MRPS31: variants seen among roughly 807,000 people sequenced by gnomAD.
The protein encoded by MRPS31 is mitochondrial ribosomal protein S31, also known as small ribosomal subunit protein mS31.
Under a neutral mutation model 43.1 loss-of-function variants are expected in MRPS31, and 32 were observed. The ratio of observed to expected loss-of-function variants is 0.74; its 90% CI spans 0.56 to 1.00. The LOEUF (loss-of-function observed/expected upper bound fraction) is 1.00, where lower values mean the gene tolerates loss of function less well. MRPS31 is among the 50% of genes least tolerant of loss of function. The pLI, the probability that MRPS31 is intolerant of heterozygous loss-of-function variation, is 0.00. For synonymous variants in MRPS31, 165 were observed against 161.6 expected (o/e 1.02, Z -0.16); for missense variants, 437 against 466.7 (o/e 0.94, Z 0.59).
Position 40,770,984 on chromosome 13 carries a change from C to G in MRPS31, c.152+1G>C, listed in dbSNP as rs1880991224. ...GGGCACGGGGTTGCCTGAGGACCTA[C>G]CGGGCCAACAGCGCTGAACTGCGGT... On this transcript the variant is annotated splice_donor_variant, in intron 1 of 6. Transcript: ENST00000323563. LOFTEE classifies it high-confidence loss of function. The G allele has an allele frequency of 6.2e-7, 1 of 1,614,038 alleles. No individual in the cohort carries two copies. The highest frequency in any genetic ancestry group is 1.1e-5 in the South Asian group (1 of 91,074).
chr13:40,756,835 T>C, intron 4 of MRPS31, 38 bp downstream of exon 4: 1 of 1,606,822 alleles, frequency 6.2e-7, no homozygotes, highest in South Asian at 1.1e-5. Context: ...AAAAACAAAC[T>C]ACACAAACAA....
At chr13:40,737,443 T>G (rs1449555876) in intron 6 of MRPS31, among the ~76,000 whole-genome samples, 1 of 151,946 alleles carries the variant, frequency 6.6e-6, no homozygotes, top group South Asian at 2.1e-4. Flanking sequence ...CTAATAGACA[T>G]CTACAAAACT....
intron 6 of MRPS31, among the ~76,000 whole-genome samples, chr13:40,743,129 T>C (rs1234504838): frequency 1.3e-5 from 2 of 151,918 alleles, no homozygotes; most frequent in Non-Finnish European, 2.9e-5. Flanking sequence ...CTGGCCAACA[T>C]GGTAAAACCC....
rs1166663282 is a variant in MRPS31, at chr13:40,756,899, C to T, written c.714G>A (p.Gln238=). 1 of 1,613,676 alleles carries T rather than the reference C, an allele frequency of 6.2e-7. No homozygotes were observed. Among genetic ancestry groups the T allele is most frequent in the African/African-American group, 1.3e-5 (1 of 74,910 alleles). The change falls in exon 4 of 7, where the codon CAG becomes CAA. Residue 238 remains glutamine, a synonymous_variant. Transcript: ENST00000323563. ...TTTTTTTAAGATCATCCGTCTTCTCCTGGCCAGGATAATTGTCATAGCCTT... is the reference window on the plus strand; with the variant it reads ...TTTTTTTAAGATCATCCGTCTTCTCTTGGCCAGGATAATTGTCATAGCCTT... The part of the protein sequence containing the change: ...FDEGYDNYPG[Q]EKTDDLKKRK...
chr13:40,769,601 T>C (rs1003573771), intron 1 of MRPS31, among the ~76,000 whole-genome samples: 1 of 151,902 alleles, frequency 6.6e-6, no homozygotes, highest in East Asian at 1.9e-4. Context: ...AGTATCCTCA[T>C]AATCAGTACA....
chr13:40,729,692 A>G (rs1431076728), intron 6 of MRPS31, 91 bp from the exon 7 acceptor site: 2 of 858,770 alleles, frequency 2.3e-6, no homozygotes, highest in Non-Finnish European at 3.6e-6. Flanking sequence ...ATAATATTAC[A>G]GTTTAAGGCA....
At chr13:40,754,565 T>A (rs1166922964) in intron 4 of MRPS31, among the ~76,000 whole-genome samples, 1 of 152,248 alleles carries the variant, frequency 6.6e-6, no homozygotes, top group Non-Finnish European at 1.5e-5. Context: ...TTCTGTATTT[T>A]AAAATAATTA....
intron 1 of MRPS31, among the ~76,000 whole-genome samples, chr13:40,770,308 G>C (rs1463149241): frequency 6.6e-6 from 1 of 152,122 alleles, no homozygotes; most frequent in Non-Finnish European, 1.5e-5. Context: ...AGCGGAATTA[G>C]GTTTTCATAA....
chr13:40,769,316 C>T (rs1027043646), intron 1 of MRPS31, among the ~76,000 whole-genome samples: 3 of 140,460 alleles, frequency 2.1e-5, no homozygotes, highest in South Asian at 4.6e-4. Flanking sequence ...GCAGAGGTTG[C>T]AGTGAGCCGA....
At chr13:40,732,962 T>C (rs1879744305) in intron 6 of MRPS31, among the ~76,000 whole-genome samples, 1 of 137,428 alleles carries the variant, frequency 7.3e-6, no homozygotes, top group African/African-American at 2.6e-5. Flanking sequence ...AATCTAACAC[T>C]AAAAAGAAGA....
intron 6 of MRPS31, among the ~76,000 whole-genome samples, chr13:40,737,453 T>A (rs1879953750): frequency 6.6e-6 from 1 of 151,654 alleles, no homozygotes; most frequent in South Asian, 2.1e-4. Context: ...TCTACAAAAC[T>A]CTCCACCCCA....
At chr13:40,736,420 A>C (rs1324447233) in intron 6 of MRPS31, among the ~76,000 whole-genome samples, 1 of 149,134 alleles carries the variant, frequency 6.7e-6, no homozygotes, top group Non-Finnish European at 1.5e-5. Context: ...AGATTCAGGA[A>C]ATACAGAGAA....
chr13:40,734,525 C>T (rs1173209070), intron 6 of MRPS31, among the ~76,000 whole-genome samples: 2 of 152,100 alleles, frequency 1.3e-5, no homozygotes, highest in Non-Finnish European at 2.9e-5. Flanking sequence ...AAAAACAAAG[C>T]AAATAGGAAG....
rs536376548 is a variant in MRPS31, at chr13:40,755,458, G to A, written c.741-1366C>T. Among the ~76,000 whole-genome samples the A allele has an allele frequency of 1.9e-4, 29 of 152,324 alleles. 1 individual carries two copies. The highest frequency in any genetic ancestry group is 7.0e-4 in the African/African-American group (29 of 41,570). ...CACGTGTTTCTTTTCTATTCCTTAA[G>A]AAAGCCATTTAAGCTAGGTTTCACT... On this transcript the variant is annotated intron_variant, in intron 4 of 6. Transcript: ENST00000323563.
chr13:40,732,553 G>A (rs1345705387), intron 6 of MRPS31, among the ~76,000 whole-genome samples: 1 of 152,268 alleles, frequency 6.6e-6, no homozygotes, highest in Admixed American at 6.5e-5. Flanking sequence ...GAGCAACAAA[G>A]TGAGACCCCA....
intron 6 of MRPS31, among the ~76,000 whole-genome samples, chr13:40,729,866 A>G (rs1283007802): frequency 1.3e-5 from 2 of 151,564 alleles, no homozygotes; most frequent in African/African-American, 2.4e-5. Flanking sequence ...AGTAGCTGGG[A>G]CTACAGGCAT....
rs763161397 is a variant in MRPS31 at position 40,756,902 on chromosome 13, G to T, written c.711C>A (p.Gly237=). 4.6e-5 allele frequency: 75 copies of T among 1,613,530 alleles called. No individual in the cohort carries two copies. The highest frequency in any genetic ancestry group is 3.3e-4 in the Middle Eastern group (2 of 6,080). The change falls in exon 4 of 7, where the codon GGC becomes GGA. Residue 237 remains glycine (G), a synonymous_variant. Transcript: ENST00000323563. ...QFDEGYDNYP[G]QEKTDDLKKR... ...TTTTAAGATCATCCGTCTTCTCCTG[G>T]CCAGGATAATTGTCATAGCCTTCAT... is the stretch of plus-strand genomic sequence containing the variant.
intron 1 of MRPS31, among the ~76,000 whole-genome samples, chr13:40,768,073 CA>C (rs1007898898): frequency 2.0e-5 from 3 of 152,056 alleles, no homozygotes; most frequent in Non-Finnish European, 4.4e-5. Flanking sequence ...TAGACTCATG[CA>C]AAAAGATTTC....
In MRPS31 at chr13:40,766,737, T is replaced by C; in HGVS notation, c.440+9A>G. On this transcript the variant is annotated intron_variant, in intron 2 of 6. Coordinates refer to ENST00000323563, the MANE Select transcript of MRPS31 (RefSeq NM_005830.4). ...TTTCAAACAACATCTGAATTACAAT[T>C]AAATTTACCTCTTCTTTGGAGCATA... 14 of 1,568,886 alleles carry C rather than the reference T, an allele frequency of 8.9e-6. No individual in the cohort carries two copies. The highest frequency in any genetic ancestry group is 1.2e-5 in the Non-Finnish European group (14 of 1,160,892).
Sources: gnomAD v4.1 joint callset for allele counts (sites outside exome capture counted in the v4.1 genomes callset) on GRCh38, gnomAD v4.1.1 for gene constraint, MANE v1.5 for transcripts, NCBI Gene and HGNC (gene_info 2026-07-23, HGNC 2026-07-21) for gene names.